The following SNX25 variants were observed in gnomAD, a reference collection of about 807,000 sequenced individuals.
The protein encoded by SNX25 is sorting nexin 25.
In SNX25, 62 loss-of-function variants were observed where a neutral mutation model predicts 113.7. The ratio of observed to expected loss-of-function variants is 0.55; its 90% CI spans 0.44 to 0.67. The LOEUF (loss-of-function observed/expected upper bound fraction) is 0.67. Among genes scored for constraint, SNX25 ranks in the 30% least tolerant of loss-of-function variants. The pLI is 0.00. For synonymous variants in SNX25, 421 were observed against 436.2 expected, an observed-to-expected ratio of 0.97 and a Z score of 0.43; for missense variants, 1,014 against 1,161.0, an observed-to-expected ratio of 0.87 and a Z score of 1.84.
At chr4:185,240,926 CT>C (rs1743829418) in intron 1 of SNX25, among the ~76,000 whole-genome samples, 2 of 150,448 alleles carry the variant, frequency 1.3e-5, no homozygotes, top group African/African-American at 4.9e-5. Context: ...GATGGGCGGC[CT>C]GGCAGAGATG....
downstream of SNX25, among the ~76,000 whole-genome samples, chr4:185,371,429 C>G (rs2095415005): frequency 6.6e-6 from 1 of 151,346 alleles, no homozygotes; most frequent in Admixed American, 6.6e-5. Flanking sequence ...GTAGTCCCAG[C>G]TACTCGGGAG....
chr4:185,269,124 T>C (rs1286248004), intron 5 of SNX25, among the ~76,000 whole-genome samples: 6 of 152,214 alleles, frequency 3.9e-5, no homozygotes, highest in Non-Finnish European at 2.9e-5. Context: ...GTTTGTTATG[T>C]GAGGCTCACA....
At chr4:185,370,959 G>T, downstream of SNX25, 1 of 773,556 alleles carries the variant, frequency 1.3e-6, no homozygotes, top group Non-Finnish European at 2.1e-6. Context: ...GTGGGGAAGG[G>T]TCCATGTAGG....
At chr4:185,332,984 T>C (rs2095206139) in intron 10 of SNX25, among the ~76,000 whole-genome samples, 1 of 152,236 alleles carries the variant, frequency 6.6e-6, no homozygotes, top group South Asian at 2.1e-4. Flanking sequence ...CTCTGTTCTT[T>C]ACATCTGCTT....
intron 1 of SNX25, among the ~76,000 whole-genome samples, chr4:185,214,647 G>A (rs537800184): frequency 1.3e-5 from 2 of 152,270 alleles, no homozygotes; most frequent in Non-Finnish European, 2.9e-5. Context: ...TGTGAAGAAA[G>A]CATTAATGAA....
At chr4:185,338,740 T>C (rs1248416757) in intron 10 of SNX25, among the ~76,000 whole-genome samples, 1 of 152,344 alleles carries the variant, frequency 6.6e-6, no homozygotes, top group East Asian at 1.9e-4. Context: ...TTGAAAACAC[T>C]GTTCTTTCCC....
intron 12 of SNX25, among the ~76,000 whole-genome samples, chr4:185,343,650 C>A (rs775778797): frequency 7.9e-5 from 12 of 152,322 alleles, no homozygotes; most frequent in Non-Finnish European, 1.5e-4. Context: ...TCAGGAATTG[C>A]CATCTTCTCT....
chr4:185,278,673 C>G (rs1233459204), intron 5 of SNX25, among the ~76,000 whole-genome samples: 1 of 151,970 alleles, frequency 6.6e-6, no homozygotes, highest in Non-Finnish European at 1.5e-5. Flanking sequence ...AAAGTTCACT[C>G]AAAATGTAGG....
intron 16 of SNX25, among the ~76,000 whole-genome samples, chr4:185,361,606 C>T (rs2095364364): frequency 6.6e-6 from 1 of 152,070 alleles, no homozygotes; most frequent in Non-Finnish European, 1.5e-5. Context: ...GGCATGGTGG[C>T]ACGTGCCTGT....
At chr4:185,325,000 C>T (rs748072170) in intron 9 of SNX25, among the ~76,000 whole-genome samples, 1 of 152,122 alleles carries the variant, frequency 6.6e-6, no homozygotes, top group African/African-American at 2.4e-5. Context: ...TAGTCCTAGG[C>T]ATATTATTAG....
Position 185,222,014 on chromosome 4 carries a change from C to T in SNX25, c.429+11759C>T, listed in dbSNP as rs188996388. 1.8e-3 allele frequency among the ~76,000 whole-genome samples: 254 copies of T among 144,750 alleles called. 4 individuals carry two copies. Among genetic ancestry groups the T allele is most frequent in the African/African-American group, 6.3e-3 (246 of 38,960 alleles). The allele number at this position is 144,750 out of a possible 152,430, so 95.0% of individuals were successfully genotyped here. Reference sequence around the variant, plus strand: ...CCTCCTTCATGGTAGATATATAGCACCATATATCCCTCGTTCACTGTAGGT... The same window carrying T: ...CCTCCTTCATGGTAGATATATAGCATCATATATCCCTCGTTCACTGTAGGT... On this transcript the variant is annotated intron_variant, in intron 1 of 18. Transcript: ENST00000652585.
chr4:185,239,318 C>T (rs759056694), intron 1 of SNX25, among the ~76,000 whole-genome samples: 43 of 151,930 alleles, frequency 2.8e-4, no homozygotes, highest in Non-Finnish European at 4.9e-4. Flanking sequence ...TCCGTCTCTA[C>T]TAAAAATGCA....
chr4:185,356,712 A>G (rs2095340828), intron 15 of SNX25, among the ~76,000 whole-genome samples: 1 of 152,186 alleles, frequency 6.6e-6, no homozygotes. Context: ...TGCCATTGTT[A>G]GCTTTTCTTA....
chr4:185,264,867 G>A (rs901679607), intron 4 of SNX25, among the ~76,000 whole-genome samples: 2 of 152,056 alleles, frequency 1.3e-5, no homozygotes, highest in Non-Finnish European at 2.9e-5. Flanking sequence ...CATTCATTTG[G>A]GATAGCTTTT....
At chr4:185,224,420 A>AATATATAAAAATATATAG (rs1740522835) in intron 1 of SNX25, among the ~76,000 whole-genome samples, 2 of 136,500 alleles carry the variant, frequency 1.5e-5, no homozygotes, top group Non-Finnish European at 3.2e-5. Context: ...GATATATAAA[A>AATATATAAAAATATATAG]ATATATAAAA....
chr4:185,314,856 CAA>C (rs35230364), intron 7 of SNX25, among the ~76,000 whole-genome samples: 65 of 96,376 alleles, frequency 6.7e-4, no homozygotes, highest in Admixed American at 9.8e-4. Flanking sequence ...GACTCTGTCT[CAA>C]AAAAAAAAAA....
In SNX25 at chr4:185,363,346, A is replaced by C. The variant is rs777424719; in HGVS notation, c.2935-39A>C. ...TTTATTTTGAATAAACCCTTGGAGA[A>C]AAACATTTTTCCACTTTTTTCCTTC... On this transcript the variant is annotated intron_variant, in intron 18 of 18. Coordinates refer to ENST00000652585, the MANE Select transcript of SNX25 (RefSeq NM_001378034.2). The surrounding 1 kb of genome is among the most constrained non-coding windows in gnomAD (Gnocchi z 4.2). The C allele has an allele frequency of 1.2e-6, 2 of 1,603,382 alleles. No homozygotes were observed. The highest frequency in any genetic ancestry group is 2.2e-5 in the South Asian group (2 of 90,638).
rs2095263011 is a variant in SNX25 at position 185,342,119 on chromosome 4, A to G, written c.2187+3A>G. On this transcript the variant is annotated splice_donor_region_variant and intron_variant, in intron 12 of 18. Coordinates refer to ENST00000652585, the MANE Select transcript of SNX25 (RefSeq NM_001378034.2). The stretch of plus-strand genomic sequence containing the variant: ...ATTTACACCGGAAACTCAGTGAGGT[A>G]TGAATACTCATGAACGCAGTATTCT... 6.3e-7 allele frequency: 1 copy of G among 1,580,510 alleles called. No homozygotes were observed. Among genetic ancestry groups the G allele is most frequent in the Non-Finnish European group, 8.6e-7 (1 of 1,166,290 alleles).
intron 1 of SNX25, among the ~76,000 whole-genome samples, chr4:185,246,172 C>A (rs952729956): frequency 3.9e-5 from 6 of 152,148 alleles, no homozygotes; most frequent in African/African-American, 1.4e-4. Flanking sequence ...GAAGTCCCAG[C>A]TACTCTGGAG....
Sources: gnomAD v4.1 joint callset for allele counts (sites outside exome capture counted in the v4.1 genomes callset) on GRCh38, gnomAD v4.1.1 for gene constraint, Gnocchi (gnomAD v3.1) non-coding constraint, MANE v1.5 for transcripts, NCBI Gene and HGNC (gene_info 2026-07-23, HGNC 2026-07-21) for gene names.